PLEKHG7: variants seen among roughly 807,000 people sequenced by gnomAD.
The protein encoded by PLEKHG7 is pleckstrin homology and RhoGEF domain containing G7.
PLEKHG7 carries 77 observed loss-of-function variants against 85.2 expected under a neutral mutation model. The ratio of observed to expected loss-of-function variants is 0.90; its 90% CI spans 0.75 to 1.09. PLEKHG7 has a LOEUF of 1.09. Ranked by LOEUF, PLEKHG7 falls within the 50% of genes least tolerant of loss-of-function variation. The probability of loss-of-function intolerance (pLI) is 0.00; values close to 1 mark genes in which losing one functional copy is unlikely to be tolerated. For missense variants in PLEKHG7, 777 were observed against 804.3 expected, an observed-to-expected ratio of 0.97 and a Z score of 0.41; for synonymous variants, 301 against 302.4, an observed-to-expected ratio of 1.00 and a Z score of 0.05.
chr12:92,769,587 C>T (rs1873339794), intron 16 of PLEKHG7, among the ~76,000 whole-genome samples: 2 of 152,170 alleles, frequency 1.3e-5, no homozygotes, highest in South Asian at 4.1e-4. Flanking sequence ...AGCTGCCTGA[C>T]TCTGGTTTCT....
chr12:92,745,531 AGCT>A lies in PLEKHG7; in HGVS notation c.1195_1197del (p.Ala399del), dbSNP rs1288017352. 2 of 1,613,926 alleles carry A rather than the reference AGCT, an allele frequency of 1.2e-6. No homozygotes were observed. Among genetic ancestry groups the A allele is most frequent in the Non-Finnish European group, 8.5e-7 (1 of 1,179,934 alleles). On this transcript the variant is annotated inframe_deletion, in exon 10 of 17. Transcript: ENST00000344636. ...ACCAGACCTACTGCCTGAACTATTC[AGCT>A]GCTATCTTTTATCTTGAGAGCCTGA...
chr12:92,721,986 C>A (rs182657127), intron 3 of PLEKHG7, among the ~76,000 whole-genome samples: 4 of 151,964 alleles, frequency 2.6e-5, no homozygotes, highest in African/African-American at 9.7e-5. Context: ...GATAAGAATT[C>A]TGAATTCACT....
At chr12:92,733,579 G>C (rs1872054197) in intron 5 of PLEKHG7, among the ~76,000 whole-genome samples, 1 of 152,140 alleles carries the variant, frequency 6.6e-6, no homozygotes, top group African/African-American at 2.4e-5. Context: ...CTGAGACAAG[G>C]CTTATGATGC....
At chr12:92,736,868 C>A (rs1363278834) in intron 6 of PLEKHG7, among the ~76,000 whole-genome samples, 3 of 152,098 alleles carry the variant, frequency 2.0e-5, no homozygotes, top group Non-Finnish European at 4.4e-5. Context: ...TCTCTCTGGG[C>A]CTGGATTTCC....
At chr12:92,723,868 A>G (rs1204204721) in intron 3 of PLEKHG7, among the ~76,000 whole-genome samples, 49 of 152,162 alleles carry the variant, frequency 3.2e-4, no homozygotes, top group Non-Finnish European at 4.4e-5. Flanking sequence ...TCTCCGGGGA[A>G]TAGAAAACCA....
intron 3 of PLEKHG7, among the ~76,000 whole-genome samples, chr12:92,711,764 G>T (rs923707143): frequency 1.3e-5 from 2 of 152,156 alleles, no homozygotes; most frequent in Admixed American, 1.3e-4. Context: ...AGCACCATTG[G>T]ATCTGCTGGG....
chr12:92,757,170 A>G lies in PLEKHG7; in HGVS notation c.1636+779A>G, dbSNP rs1174276120. Among the ~76,000 whole-genome samples the G allele has an allele frequency of 2.0e-5, 3 of 152,162 alleles. No homozygotes were observed. The East Asian group carries it at 5.8e-4, about 29-fold the overall frequency. ...TTTTCTGCCTGTACAACCTTGGGCC[A>G]TTTACAGTGATCTCCTGTGCTTCAG... is the stretch of plus-strand genomic sequence containing the variant. On this transcript the variant is annotated intron_variant, in intron 13 of 16. Coordinates refer to ENST00000344636, the MANE Select transcript of PLEKHG7 (RefSeq NM_001377329.1).
chr12:92,727,975 TACAC>T (rs772861117), intron 3 of PLEKHG7, among the ~76,000 whole-genome samples: 107 of 143,268 alleles, frequency 7.5e-4, no homozygotes, highest in East Asian at 1.8e-3. Context: ...TATATATATA[TACAC>T]ATATATACAC....
chr12:92,732,150 G>A, intron 4 of PLEKHG7, 83 bp from the exon 5 acceptor site: 1 of 801,408 alleles, frequency 1.2e-6, no homozygotes, highest in Non-Finnish European at 1.7e-6. Context: ...TTTTCAAAAA[G>A]CAGGTTTTGT....
At chr12:92,744,739 C>G (rs1172240048) in intron 9 of PLEKHG7, among the ~76,000 whole-genome samples, 1 of 151,376 alleles carries the variant, frequency 6.6e-6, no homozygotes, top group African/African-American at 2.4e-5. Context: ...GATCTCAGCT[C>G]ACTGCAACTT....
intron 15 of PLEKHG7, among the ~76,000 whole-genome samples, chr12:92,768,494 C>A (rs545893957): frequency 4.6e-5 from 7 of 152,198 alleles, no homozygotes; most frequent in Admixed American, 4.6e-4. Flanking sequence ...CTGAAGTATT[C>A]AGGTGGTTTT....
chr12:92,729,080 T>C lies in PLEKHG7; in HGVS notation c.618T>C (p.Ala206=). ...GGGACCTTCTGGTGTCAGATGGAGC[T>C]GCTGATTACCTATGCCATCCACTTC... ...FPGDLLVSDG[A]ADYLCHPLLL... The change falls in exon 4 of 17, where the codon GCT becomes GCC. Residue 206 remains alanine, a synonymous_variant. Coordinates refer to ENST00000344636, the MANE Select transcript of PLEKHG7 (RefSeq NM_001377329.1). 1 of 1,231,884 alleles carries C rather than the reference T, an allele frequency of 8.1e-7. No homozygotes were observed. Among genetic ancestry groups the C allele is most frequent in the Non-Finnish European group, 1.0e-6 (1 of 987,776 alleles). 76.3% of individuals were successfully genotyped at this position (1,231,884 alleles called of 1,614,324 possible). A position where few individuals can be genotyped will look rare whatever the true frequency, so the allele number is the denominator to read the frequency against.
chr12:92,760,445 T>C lies in PLEKHG7; in HGVS notation c.1637-1307T>C, dbSNP rs145844081. 5.9e-3 allele frequency among the ~76,000 whole-genome samples: 899 copies of C among 152,190 alleles called. 8 individuals are homozygous for C. Among genetic ancestry groups the C allele is most frequent in the African/African-American group, 0.021 (861 of 41,538 alleles). ...CTTAAAGAATGAGAGGAGATAGAAA[T>C]GAATCCTAAATGTTTTAGCTACTAC... is the stretch of plus-strand genomic sequence containing the variant. On this transcript the variant is annotated intron_variant, in intron 13 of 16. Transcript: ENST00000344636.
intron 3 of PLEKHG7, among the ~76,000 whole-genome samples, chr12:92,711,612 G>T (rs2083944): frequency 0.46 from 69,815 of 151,892 alleles, 17,260 homozygotes; most frequent in East Asian, 0.89. Context: ...AACAGGCCAA[G>T]AGCTGTCTCT....
chr12:92,767,497 CTTT>C (rs59965480), intron 15 of PLEKHG7, among the ~76,000 whole-genome samples: 8 of 147,554 alleles, frequency 5.4e-5, no homozygotes, highest in Non-Finnish European at 4.5e-5. Flanking sequence ...ACACAGCCAG[CTTT>C]TTTTTTTTTT....
chr12:92,723,579 T>C (rs1369891350), intron 3 of PLEKHG7, among the ~76,000 whole-genome samples: 2 of 152,238 alleles, frequency 1.3e-5, no homozygotes, highest in Non-Finnish European at 2.9e-5. Context: ...TTCTGGACAC[T>C]GATCTAAGTG....
chr12:92,761,630 GA>G lies in PLEKHG7; in HGVS notation c.1637-119del, dbSNP rs1326617093. On this transcript the variant is annotated intron_variant, in intron 13 of 16. Transcript: ENST00000344636. ...GAAAAAGAAAGAAAGAAAGAAGAAA[GA>G]AAGAAAGAAAGAAAGAAAGAAAGAA... The G allele has an allele frequency of 1.8e-3, 237 of 135,226 alleles. 1 individual carries two copies. The highest frequency in any genetic ancestry group is 0.014 in the African/African-American group (131 of 9,358). 8.4% of individuals were successfully genotyped at this position (135,226 alleles called of 1,614,324 possible).
chr12:92,745,104 G>C (rs945222819), intron 9 of PLEKHG7, among the ~76,000 whole-genome samples: 45 of 152,068 alleles, frequency 3.0e-4, no homozygotes, highest in Admixed American at 7.9e-4. Flanking sequence ...TAACCAACAG[G>C]GTCACCCAAA....
chr12:92,768,025 T>C (rs1316452220), intron 15 of PLEKHG7, among the ~76,000 whole-genome samples: 1 of 151,852 alleles, frequency 6.6e-6, no homozygotes, highest in South Asian at 2.1e-4. Flanking sequence ...GCCAACAAAG[T>C]GAAACCCCCG....
Sources: allele counts gnomAD v4.1 joint callset (sites outside exome capture counted in the v4.1 genomes callset), GRCh38; gene constraint gnomAD v4.1.1; transcripts MANE v1.5; gene names NCBI Gene and HGNC (gene_info 2026-07-23, HGNC 2026-07-21).